MAN1A2: variants seen among roughly 807,000 people sequenced by gnomAD.
MAN1A2 encodes the protein mannosidase alpha class 1A member 2.
In MAN1A2, 26 loss-of-function variants were observed where a neutral mutation model predicts 75.7. The observed-to-expected ratio is 0.34, with a 90% confidence interval of 0.25 to 0.48. The LOEUF is 0.48. Ranked by LOEUF, MAN1A2 falls within the 20% of genes least tolerant of loss-of-function variation. The pLI is 0.99. For synonymous variants in MAN1A2, 247 were observed against 264.6 expected, an observed-to-expected ratio of 0.93 and a Z score of 0.65; for missense variants, 562 against 775.5, an observed-to-expected ratio of 0.72 and a Z score of 3.27.
intron 3 of MAN1A2, among the ~76,000 whole-genome samples, chr1:117,406,423 G>A (rs1647616486): frequency 6.6e-6 from 1 of 152,074 alleles, no homozygotes; most frequent in Admixed American, 6.5e-5. Context: ...TATGCAATCT[G>A]ATTTTATTAC....
chr1:117,489,562 T>TA (rs1191197425), intron 8 of MAN1A2, among the ~76,000 whole-genome samples: 1 of 152,094 alleles, frequency 6.6e-6, no homozygotes, highest in African/African-American at 2.4e-5. Context: ...CTTTTCTTGT[T>TA]ACGTATGTTG....
intron 6 of MAN1A2, among the ~76,000 whole-genome samples, chr1:117,450,777 CA>C (rs1649386076): frequency 6.6e-6 from 1 of 152,178 alleles, no homozygotes; most frequent in Admixed American, 6.5e-5. Context: ...TTGAGCCTGC[CA>C]GTGCACAGAA....
At chr1:117,373,675 T>G (rs1018670063) in intron 1 of MAN1A2, among the ~76,000 whole-genome samples, 1 of 152,100 alleles carries the variant, frequency 6.6e-6, no homozygotes, top group Non-Finnish European at 1.5e-5. Flanking sequence ...TTTTAATTTT[T>G]GTAGAGATAG....
At chr1:117,397,872 G>A (rs1031094697) in intron 1 of MAN1A2, among the ~76,000 whole-genome samples, 1 of 151,736 alleles carries the variant, frequency 6.6e-6, no homozygotes, top group African/African-American at 2.4e-5. Context: ...GGCTGGTCTC[G>A]AACTCCTGAC....
intron 5 of MAN1A2, among the ~76,000 whole-genome samples, chr1:117,421,582 T>C (rs1242847973): frequency 1.3e-5 from 2 of 151,982 alleles, no homozygotes; most frequent in East Asian, 3.8e-4. Flanking sequence ...ATTTCATTTA[T>C]TGTTGTTCCT....
Position 117,523,666 on chromosome 1 carries a change from C to T in MAN1A2, c.*709C>T, listed in dbSNP as rs191516194. 1 of 160,306 alleles carries T rather than the reference C, an allele frequency of 6.2e-6. No homozygotes were observed. The highest frequency in any genetic ancestry group is 2.4e-5 in the African/African-American group (1 of 41,534). 9.9% of individuals were successfully genotyped at this position (160,306 alleles called of 1,614,324 possible). A position where few individuals can be genotyped will look rare whatever the true frequency, so the allele number is the denominator to read the frequency against. ...AGTCTTTTTCTTCTTATGGAATCATCGAAACTGCTATTTATCATAATCACC... is the reference window on the plus strand; with the variant it reads ...AGTCTTTTTCTTCTTATGGAATCATTGAAACTGCTATTTATCATAATCACC... On this transcript the variant is annotated 3_prime_UTR_variant, in exon 13 of 13. Transcript: ENST00000356554.
intron 12 of MAN1A2, among the ~76,000 whole-genome samples, 187 bp from the exon 13 acceptor site, chr1:117,522,638 A>G (rs1651898470): frequency 6.6e-6 from 1 of 151,792 alleles, no homozygotes; most frequent in Middle Eastern, 3.4e-3. Flanking sequence ...TGGATTTCTT[A>G]TACACTATTC....
chr1:117,508,366 A>G (rs1570800922), intron 12 of MAN1A2, among the ~76,000 whole-genome samples: 1 of 151,632 alleles, frequency 6.6e-6, no homozygotes, highest in East Asian at 1.9e-4. Flanking sequence ...TAAAATTAAG[A>G]TCAAATTTAT....
In MAN1A2 at chr1:117,451,258, T is replaced by C. The variant is rs144208940; in HGVS notation, c.950+8933T>C. On this transcript the variant is annotated intron_variant, in intron 6 of 12. Coordinates refer to ENST00000356554, the MANE Select transcript of MAN1A2 (RefSeq NM_006699.5). The stretch of plus-strand genomic sequence containing the variant: ...ATGGATTTCAGACTTGCATGGGGCC[T>C]GTAGCCCTTTGTTTTGGCCAATTTA... Among the ~76,000 whole-genome samples, 7 of 152,374 alleles carry C rather than the reference T, an allele frequency of 4.6e-5. No individual in the cohort carries two copies. In the East Asian group the frequency reaches 1.4e-3, roughly 29 times the overall value.
At chr1:117,398,412 G>A (rs1647290262) in intron 1 of MAN1A2, among the ~76,000 whole-genome samples, 1 of 152,178 alleles carries the variant, frequency 6.6e-6, no homozygotes, top group Admixed American at 6.5e-5. Flanking sequence ...GGTGGCTCAT[G>A]CCTGTAATCC....
chr1:117,389,004 T>C (rs778485204), intron 1 of MAN1A2, among the ~76,000 whole-genome samples: 13 of 152,168 alleles, frequency 8.5e-5, no homozygotes, highest in Non-Finnish European at 1.6e-4. Context: ...TAGCTTTTGA[T>C]GAAAATATAC....
At chr1:117,450,542 A>G (rs1440902095) in intron 6 of MAN1A2, among the ~76,000 whole-genome samples, 2 of 152,164 alleles carry the variant, frequency 1.3e-5, no homozygotes, top group East Asian at 1.9e-4. Flanking sequence ...CAATGGGGCA[A>G]ATGTCTCCAG....
At chr1:117,396,119 A>G (rs1289959) in intron 1 of MAN1A2, among the ~76,000 whole-genome samples, 118,653 of 152,142 alleles carry the variant, frequency 0.78, 46,660 homozygotes, top group African/African-American at 0.87. Flanking sequence ...TTACTCAATT[A>G]CCTGTATGGT....
chr1:117,526,880 C>CTCTCTCTCTATATATATA lies in MAN1A2; in HGVS notation c.*3924_*3925insCTCTCTCTATATATATAT. On this transcript the variant is annotated 3_prime_UTR_variant, in exon 13 of 13. Coordinates refer to ENST00000356554, the MANE Select transcript of MAN1A2 (RefSeq NM_006699.5). ...TCTCTCTCTCTCTCTCTCTCTCTCT[C>CTCTCTCTCTATATATATA]TATATATATATATATATATATATAT... 9.7e-4 allele frequency: 53 copies of CTCTCTCTCTATATATATA among 54,504 alleles called. No homozygotes were observed. Among genetic ancestry groups the CTCTCTCTCTATATATATA allele is most frequent in the Middle Eastern group, 0.015 (1 of 68 alleles). The allele number at this position is 54,504 out of a possible 1,614,324, so 3.4% of individuals were successfully genotyped here. A position where few individuals can be genotyped will look rare whatever the true frequency, so the allele number is the denominator to read the frequency against.
At chr1:117,460,771 T>C (rs1649792679) in intron 7 of MAN1A2, among the ~76,000 whole-genome samples, 159 bp downstream of exon 7, 1 of 152,220 alleles carries the variant, frequency 6.6e-6, no homozygotes, top group Non-Finnish European at 1.5e-5. Flanking sequence ...AGAAATGTCC[T>C]TTCTATTTAG....
intron 12 of MAN1A2, among the ~76,000 whole-genome samples, chr1:117,508,139 C>T (rs901265388): frequency 1.1e-4 from 16 of 151,666 alleles, no homozygotes; most frequent in Non-Finnish European, 3.0e-5. Context: ...ACCCATTCAC[C>T]TAGATCTTTC....
intron 8 of MAN1A2, among the ~76,000 whole-genome samples, chr1:117,489,904 C>T (rs1650827371): frequency 1.3e-5 from 2 of 150,760 alleles, no homozygotes; most frequent in Non-Finnish European, 2.9e-5. Flanking sequence ...AGGGATATTA[C>T]TGTATGAGTG....
intron 6 of MAN1A2, among the ~76,000 whole-genome samples, chr1:117,449,481 C>T (rs1395496181): frequency 2.0e-5 from 3 of 151,702 alleles, no homozygotes; most frequent in South Asian, 4.2e-4. Flanking sequence ...ATTGCTTGAG[C>T]CCAGGAAGCA....
chr1:117,495,369 G>A (rs1651008147), intron 9 of MAN1A2, among the ~76,000 whole-genome samples: 1 of 151,600 alleles, frequency 6.6e-6, no homozygotes. Context: ...TATTCTATTA[G>A]CGTATTATAA....
Sources: allele counts gnomAD v4.1 joint callset (sites outside exome capture counted in the v4.1 genomes callset), GRCh38; gene constraint gnomAD v4.1.1; transcripts MANE v1.5; gene names NCBI Gene and HGNC (gene_info 2026-07-23, HGNC 2026-07-21).